Variants in LMNB2 observed in about 807,000 individuals in gnomAD.
The protein encoded by LMNB2 is lamin B2.
In LMNB2, 17 loss-of-function variants were observed where a neutral mutation model predicts 69.3. The ratio of observed to expected loss-of-function variants is 0.25; its 90% CI spans 0.17 to 0.37. The LOEUF is 0.37. Ranked by LOEUF, LMNB2 falls within the 10% of genes least tolerant of loss-of-function variation. The pLI, the probability that LMNB2 is intolerant of heterozygous loss-of-function variation, is 1.00. For synonymous variants in LMNB2, 397 were observed against 389.3 expected (o/e 1.02, Z -0.23); for missense variants, 789 against 883.6 (o/e 0.89, Z 1.36).
intron 1 of LMNB2, among the ~76,000 whole-genome samples, chr19:2,446,489 C>T (rs941532789): frequency 2.6e-5 from 4 of 152,234 alleles, no homozygotes; most frequent in Admixed American, 6.5e-5. Flanking sequence ...GCCACCTGCC[C>T]GGCCTCTGCA....
chr19:2,437,875 G>A (rs978170589), intron 4 of LMNB2, among the ~76,000 whole-genome samples: 2 of 152,150 alleles, frequency 1.3e-5, no homozygotes, highest in Non-Finnish European at 2.9e-5. Context: ...CTCTGCAGAT[G>A]CCATTAGGTC....
intron 8 of LMNB2, 28 bp downstream of exon 8, chr19:2,433,798 A>T (rs748184768): frequency 6.2e-7 from 1 of 1,610,770 alleles, no homozygotes; most frequent in East Asian, 2.2e-5. Context: ...TCACCCCGTT[A>T]CCCCCATGCC....
chr19:2,452,063 C>T (rs1259848417), intron 1 of LMNB2, among the ~76,000 whole-genome samples: 1 of 152,094 alleles, frequency 6.6e-6, no homozygotes, highest in Admixed American at 6.6e-5. Flanking sequence ...TGCACCTGCC[C>T]CCGCCCCCAG....
chr19:2,432,324 A>ACCCCCCCCCCCCAAG, intron 9 of LMNB2, 92 bp downstream of exon 9: 1 of 464,476 alleles, frequency 2.2e-6, no homozygotes, highest in South Asian at 2.2e-5. Context: ...CATCATCCCC[A>ACCCCCCCCCCCCAAG]CCCACCCCCG....
intron 1 of LMNB2, among the ~76,000 whole-genome samples, chr19:2,454,916 T>G (rs1599343967): frequency 6.6e-6 from 1 of 152,010 alleles, no homozygotes; most frequent in Non-Finnish European, 1.5e-5. Context: ...GGGCAGACTT[T>G]CCCGCCTCTT....
intron 9 of LMNB2, 85 bp downstream of exon 9, chr19:2,432,331 C>CCCCCCCAAA: frequency 2.3e-6 from 2 of 868,292 alleles, no homozygotes; most frequent in South Asian, 1.3e-5. Context: ...CCCACCCACC[C>CCCCCCCAAA]CCGCCAAGTC....
chr19:2,432,345 T>G, intron 9 of LMNB2, 71 bp downstream of exon 9: 3 of 1,061,616 alleles, frequency 2.8e-6, no homozygotes, highest in Non-Finnish European at 4.3e-6. Context: ...CCAAGTCCTG[T>G]GCCTCCAGTC....
chr19:2,437,112 C>T, intron 4 of LMNB2: 1 of 153,624 alleles, frequency 6.5e-6, no homozygotes, highest in African/African-American at 2.4e-5. Context: ...GCCTGGACAT[C>T]CCTCCACCAG....
At chr19:2,431,955 G>T in intron 9 of LMNB2, 53 bp from the exon 10 acceptor site, 1 of 1,567,814 alleles carries the variant, frequency 6.4e-7, no homozygotes, top group Non-Finnish European at 8.6e-7. Flanking sequence ...TTCCAGGGAC[G>T]TGGGCCAGCC....
At chr19:2,434,164 C>G in intron 7 of LMNB2, 59 bp from the exon 8 acceptor site, 1 of 1,553,084 alleles carries the variant, frequency 6.4e-7, no homozygotes, top group Non-Finnish European at 8.7e-7. Flanking sequence ...GCCCAGGGCA[C>G]GCAGAGTGGC....
At chr19:2,454,215 C>T (rs1388376002) in intron 1 of LMNB2, among the ~76,000 whole-genome samples, 7 of 150,938 alleles carry the variant, frequency 4.6e-5, no homozygotes. Flanking sequence ...ATCACTTGAA[C>T]CCGGGAGGCA....
chr19:2,434,720 C>T (rs533461049), intron 6 of LMNB2, 68 bp downstream of exon 6: 217 of 1,549,256 alleles, frequency 1.4e-4, no homozygotes, highest in Non-Finnish European at 1.8e-4. Flanking sequence ...CCCCACGCCC[C>T]GCACATCCAG....
At chr19:2,444,382 G>A (rs754034314) in intron 2 of LMNB2, 22 bp downstream of exon 2, 57 of 1,613,046 alleles carry the variant, frequency 3.5e-5, no homozygotes, top group Non-Finnish European at 3.7e-5. Context: ...GGGTGACGTC[G>A]TGCCCAGCCG....
rs781407155 is a variant in LMNB2, at chr19:2,434,049, C to A, written c.1259G>T (p.Ser420Ile). Residue 420 changes from serine to isoleucine, a missense_variant, in exon 8 of 12, where the codon AGC becomes ATC. Physicochemically the swap from Ser to Ile is moderately radical, Grantham distance 142 (BLOSUM62 -2). Coordinates refer to ENST00000325327, the MANE Select transcript of LMNB2 (RefSeq NM_032737.4). ...GGTGGCGGACAAGCTGCCGCTGCTG[C>A]TCGAGGTGGCTCGTGAGACGGTGAC... Reference protein sequence around the residue: ...SRVTVSRATSSSSGSLSATGR... With the variant: ...SRVTVSRATSISSGSLSATGR... 2.0e-5 allele frequency: 32 copies of A among 1,599,970 alleles called. No homozygotes were observed. The South Asian group carries it at 3.6e-4, about 18-fold the overall frequency.
intron 9 of LMNB2, among the ~76,000 whole-genome samples, 157 bp from the exon 10 acceptor site, chr19:2,432,059 C>T (rs1361154757): frequency 6.6e-6 from 1 of 151,954 alleles, no homozygotes; most frequent in Non-Finnish European, 1.5e-5. Flanking sequence ...CCCCAGGATA[C>T]ACAAGAAGAG....
intron 9 of LMNB2, 86 bp from the exon 10 acceptor site, chr19:2,431,988 C>A: frequency 6.7e-7 from 1 of 1,499,330 alleles, no homozygotes; most frequent in South Asian, 1.2e-5. Context: ...CACAAAGCCC[C>A]CTTCAATGCC....
At chr19:2,438,347 G>C in intron 3 of LMNB2, 28 bp downstream of exon 3, 1 of 1,613,346 alleles carries the variant, frequency 6.2e-7, no homozygotes, top group Non-Finnish European at 8.5e-7. Context: ...ATACCCTGCT[G>C]GGGCGTCCCG....
chr19:2,435,155 C>G lies in LMNB2; in HGVS notation c.701G>C (p.Arg234Pro), dbSNP rs761064508. ...CACCAGGCGCCGCTCGTGCCGCCGCCGCGTCTCCCGCACCTCCTGCGGACC... is the reference window on the plus strand; with the variant it reads ...CACCAGGCGCCGCTCGTGCCGCCGCGGCGTCTCCCGCACCTCCTGCGGACC... Reference protein sequence around the residue: ...SVFEEEVRETRRRHERRLVEV... With the variant: ...SVFEEEVRETPRRHERRLVEV... Residue 234 changes from arginine to proline, a missense_variant, in exon 5 of 12, where the codon CGG (arginine) becomes CCG (proline). Arg to Pro is a moderately radical substitution (Grantham distance 103, BLOSUM62 -2). Transcript: ENST00000325327. The G allele has an allele frequency of 6.2e-7, 1 of 1,602,944 alleles. No individual in the cohort carries two copies. The highest frequency in any genetic ancestry group is 1.1e-5 in the South Asian group (1 of 91,038).
intron 9 of LMNB2, 34 bp from the exon 10 acceptor site, chr19:2,431,936 C>A: frequency 1.3e-6 from 2 of 1,595,624 alleles, no homozygotes; most frequent in South Asian, 2.2e-5. Flanking sequence ...CCATCAGGGT[C>A]ACCTCTGGTT....
Sources: allele counts gnomAD v4.1 joint callset (sites outside exome capture counted in the v4.1 genomes callset), GRCh38; gene constraint gnomAD v4.1.1; transcripts MANE v1.5; gene names NCBI Gene and HGNC (gene_info 2026-07-23, HGNC 2026-07-21).